Variants in TMEM67 observed in about 807,000 individuals in gnomAD.
The protein encoded by TMEM67 is meckelin.
In TMEM67, 124 loss-of-function variants were observed where a neutral mutation model predicts 136.6. The observed-to-expected ratio is 0.91, with a 90% CI of 0.78 to 1.05. The LOEUF (loss-of-function observed/expected upper bound fraction) is 1.05, where lower values mean the gene tolerates loss of function less well. Among genes scored for constraint, TMEM67 ranks in the 50% least tolerant of loss-of-function variants. TMEM67 has a pLI of 0.00. For synonymous variants in TMEM67, 364 were observed against 390.5 expected (o/e 0.93, Z 0.80); for missense variants, 1,107 against 1,178.4 (o/e 0.94, Z 0.89).
chr8:93,819,263 A>C (rs1334099777), downstream of TMEM67: 1 of 419,346 alleles, frequency 2.4e-6, no homozygotes, highest in Non-Finnish European at 4.6e-6. Flanking sequence ...ATAACTGACC[A>C]ATGAAAATTC....
At chr8:93,759,248 G>C (rs1348755431) in intron 3 of TMEM67, 1 of 152,034 alleles carries the variant, frequency 6.6e-6, no homozygotes, top group Admixed American at 6.6e-5. Flanking sequence ...TATTGCTTGA[G>C]CTCAAGAGTT....
intron 16 of TMEM67, among the ~76,000 whole-genome samples, chr8:93,793,665 G>A (rs1238611185): frequency 6.6e-6 from 1 of 151,992 alleles, no homozygotes; most frequent in Non-Finnish European, 1.5e-5. Context: ...TTCTCCTTCT[G>A]TGAACTGCCT....
At chr8:93,800,539 C>G (rs768450686) in intron 21 of TMEM67, among the ~76,000 whole-genome samples, 2 of 152,200 alleles carry the variant, frequency 1.3e-5, no homozygotes, top group South Asian at 4.2e-4. Context: ...TTGCTTTATA[C>G]CTAATAATGT....
In TMEM67 at chr8:93,759,959, T is replaced by A. The variant is rs1195903929; in HGVS notation, c.406+1383T>A. ...CACCGCACCTGACCTTGGCATGTAC[T>A]TTAGAAGGAATGTACAACATAATTG... On this transcript the variant is annotated intron_variant, in intron 3 of 27. Transcript: ENST00000453321. 31 of 1,538,768 alleles carry A rather than the reference T, an allele frequency of 2.0e-5. No homozygotes were observed. In the Admixed American group the frequency reaches 5.4e-4, roughly 27 times the overall value.
chr8:93,786,243 C>G lies in TMEM67; in HGVS notation c.1309C>G (p.Leu437Val), dbSNP rs35765535. The G allele has an allele frequency of 3.1e-3, 5,027 of 1,613,922 alleles. 9 individuals are homozygous for G. Among genetic ancestry groups the G allele is most frequent in the Non-Finnish European group, 3.8e-3 (4,466 of 1,179,904 alleles). ...VNQDSNSGKWLLTRRIFLVDA... is the reference protein window; with the variant it reads ...VNQDSNSGKWVLTRRIFLVDA... The stretch of plus-strand genomic sequence containing the variant: ...AAAAGACAGCAACTCTGGAAAGTGG[C>G]TTCTAACTCGGCGCATTTTCTTAGT... Residue 437 changes from leucine (L) to valine (V), a missense_variant, in exon 13 of 28, where the codon CTT (leucine) becomes GTT (valine). Around this residue, in one of 3 missense-constraint regions of TMEM67, gnomAD observed 925 missense variants for 1,002.4 expected, o/e 0.92. Coordinates refer to ENST00000453321, the MANE Select transcript of TMEM67 (RefSeq NM_153704.6).
chr8:93,822,548 T>C (rs1267621986), downstream of TMEM67, among the ~76,000 whole-genome samples: 1 of 152,174 alleles, frequency 6.6e-6, no homozygotes, highest in African/African-American at 2.4e-5. Context: ...GGGGCCCTTC[T>C]GACTGTAGCT....
chr8:93,776,556 C>G (rs1314225083), intron 7 of TMEM67, among the ~76,000 whole-genome samples: 1 of 152,128 alleles, frequency 6.6e-6, no homozygotes, highest in Non-Finnish European at 1.5e-5. Context: ...GAGTTTTTAG[C>G]ATGAAGGGCT....
chr8:93,830,817 C>T, the TMEM67 span, among the ~76,000 whole-genome samples: 1 of 152,222 alleles, frequency 6.6e-6, no homozygotes, highest in Admixed American at 6.5e-5. Context: ...ACAGGCAAAG[C>T]TCTCCCTGGT....
At position 93,754,993 on chromosome 8, in the gene TMEM67, C is replaced by T. The variant is rs763698200; in HGVS notation, c.79C>T (p.Leu27=). The change falls in exon 1 of 28, where the codon CTG becomes TTG. Residue 27 remains leucine (L), a synonymous_variant. Transcript: ENST00000453321. The part of the protein sequence containing the change: ...LSARAVTAFL[L]LFLPRFLQAQ... ...CGCCCGGGCCGTGACCGCGTTCCTT[C>T]TGTTGTTCCTCCCTCGCTTCTTACA... 4.3e-6 allele frequency: 7 copies of T among 1,614,122 alleles called. No individual in the cohort carries two copies. In the East Asian group the frequency reaches 1.3e-4, roughly 31 times the overall value.
intron 7 of TMEM67, among the ~76,000 whole-genome samples, chr8:93,777,684 G>A (rs1450448480): frequency 3.9e-5 from 6 of 152,184 alleles, no homozygotes; most frequent in Non-Finnish European, 8.8e-5. Flanking sequence ...TCTTAACCCT[G>A]AGTTCTAATT....
chr8:93,761,674 A>G (rs971018566), intron 3 of TMEM67, among the ~76,000 whole-genome samples: 10 of 152,264 alleles, frequency 6.6e-5, no homozygotes, highest in East Asian at 5.8e-4. Context: ...AGTTCTACAC[A>G]TAGTGCTATG....
At chr8:93,799,525 C>A in intron 20 of TMEM67, 93 bp from the exon 21 acceptor site, 2 of 1,248,160 alleles carry the variant, frequency 1.6e-6, no homozygotes, top group African/African-American at 1.5e-5. Flanking sequence ...TTTAGTTTTT[C>A]AAGGTGAGTA....
chr8:93,795,033 G>T (rs1443766254), intron 16 of TMEM67: 4 of 264,188 alleles, frequency 1.5e-5, no homozygotes. Flanking sequence ...ATGAGGAGTT[G>T]TTCATTTTTA....
At position 93,816,345 on chromosome 8, in the gene TMEM67, T is replaced by C. The variant is rs1188391509; in HGVS notation, c.2908-27T>C. On this transcript the variant is annotated intron_variant, in intron 27 of 27. Coordinates refer to ENST00000453321, the MANE Select transcript of TMEM67 (RefSeq NM_153704.6). ...TATTTAATTCTGTTTATATTTCTTT[T>C]CATTCTGAATTGTTTTAATTTTCCA... The C allele has an allele frequency of 3.5e-6, 4 of 1,127,202 alleles. No homozygotes were observed. In the African/African-American group the frequency reaches 6.2e-5, roughly 17 times the overall value. The allele number at this position is 1,127,202 out of a possible 1,614,324, so 69.8% of individuals were successfully genotyped here.
intron 23 of TMEM67, among the ~76,000 whole-genome samples, chr8:93,808,506 GAATATATATA>G (rs1808546227): frequency 2.7e-4 from 4 of 14,848 alleles, no homozygotes; most frequent in Middle Eastern, 0.042. Flanking sequence ...TATTATAGAT[GAATATATATA>G]TTTATAATCT....
intron 7 of TMEM67, 131 bp downstream of exon 7, chr8:93,772,782 T>G (rs1813382275): frequency 1.5e-6 from 1 of 662,140 alleles, no homozygotes; most frequent in Non-Finnish European, 2.6e-6. Context: ...AAGAATAAAC[T>G]CTTTCTTGTG....
At position 93,785,615 on chromosome 8, in the gene TMEM67, G is replaced by GA. The variant is rs1814059580; in HGVS notation, c.1288+238dup. 7 of 414,172 alleles carry GA rather than the reference G, an allele frequency of 1.7e-5. No homozygotes were observed. In the East Asian group the frequency reaches 2.8e-4, roughly 17 times the overall value. The allele number at this position is 414,172 out of a possible 1,614,324, so 25.7% of individuals were successfully genotyped here. A position where few individuals can be genotyped will look rare whatever the true frequency, so the allele number is the denominator to read the frequency against. On this transcript the variant is annotated intron_variant, in intron 12 of 27. Coordinates refer to ENST00000453321, the MANE Select transcript of TMEM67 (RefSeq NM_153704.6). Reference sequence around the variant, plus strand: ...TATACTGTTGCTGAGGGTATATCCTGAGAAACATTAGTAGAACCGTAAATT... The same window carrying GA: ...TATACTGTTGCTGAGGGTATATCCTGAAGAAACATTAGTAGAACCGTAAATT...
chr8:93,755,926 A>C, intron 2 of TMEM67, 60 bp downstream of exon 2: 1 of 912,864 alleles, frequency 1.1e-6, no homozygotes, highest in African/African-American at 1.7e-5. Flanking sequence ...AAATATCTTT[A>C]TTTTTCAAAA....
intron 22 of TMEM67, 89 bp from the exon 23 acceptor site, chr8:93,804,673 G>A (rs973551650): frequency 2.8e-6 from 2 of 709,356 alleles, no homozygotes. Context: ...CATTATTTTG[G>A]GAAAAAGAAA....
Sources: gnomAD v4.1 joint callset for allele counts (sites outside exome capture counted in the v4.1 genomes callset) on GRCh38, gnomAD v4.1.1 for gene constraint, gnomAD v4.1.1 regional missense constraint, MANE v1.5 for transcripts, NCBI Gene and HGNC (gene_info 2026-07-23, HGNC 2026-07-21) for gene names.